Variants in CLIC4 observed in about 807,000 individuals in gnomAD.
CLIC4 encodes chloride intracellular channel protein 4.
CLIC4 carries 13 observed loss-of-function variants against 24.6 expected under a neutral mutation model. That is an observed-to-expected ratio of 0.53 (90% CI 0.34 to 0.84). The LOEUF (loss-of-function observed/expected upper bound fraction) is 0.84. CLIC4 is among the 40% of genes least tolerant of loss of function. CLIC4 has a pLI of 0.01. For synonymous variants in CLIC4, 104 were observed against 111.3 expected (o/e 0.93, Z 0.41); for missense variants, 227 against 301.7 (o/e 0.75, Z 1.83).
At chr1:24,779,056 A>G (rs773343576) in intron 1 of CLIC4, among the ~76,000 whole-genome samples, 2 of 152,258 alleles carry the variant, frequency 1.3e-5, no homozygotes, top group Admixed American at 6.5e-5. Context: ...GGCACTGATT[A>G]GAGACAGTAA....
intron 2 of CLIC4, among the ~76,000 whole-genome samples, chr1:24,809,407 A>C (rs1164823148): frequency 6.6e-6 from 1 of 152,216 alleles, no homozygotes; most frequent in Non-Finnish European, 1.5e-5. Flanking sequence ...AACTGGTTAT[A>C]GATTTTTGAT....
intron 4 of CLIC4, among the ~76,000 whole-genome samples, chr1:24,836,000 A>G (rs904416860): frequency 1.3e-5 from 2 of 152,224 alleles, no homozygotes; most frequent in Admixed American, 6.5e-5. Flanking sequence ...ACACACAAAT[A>G]CATACATGAA....
chr1:24,751,961 G>A (rs1638782615), intron 1 of CLIC4, among the ~76,000 whole-genome samples: 1 of 152,216 alleles, frequency 6.6e-6, no homozygotes, highest in South Asian at 2.1e-4. Context: ...TGTGAACTGG[G>A]ATGATCACTG....
intron 4 of CLIC4, among the ~76,000 whole-genome samples, chr1:24,830,793 A>G (rs1203176178): frequency 1.3e-5 from 2 of 152,214 alleles, no homozygotes; most frequent in Non-Finnish European, 2.9e-5. Flanking sequence ...GGATACCAGC[A>G]TTACTACATC....
At chr1:24,813,220 T>C (rs1639632953) in intron 2 of CLIC4, among the ~76,000 whole-genome samples, 1 of 151,702 alleles carries the variant, frequency 6.6e-6, no homozygotes, top group Non-Finnish European at 1.5e-5. Context: ...ACTTTTGTAT[T>C]TTTAGTAGAG....
rs1639942240 is a variant in CLIC4 at position 24,841,451 on chromosome 1, T to C, written c.*514T>C. The C allele has an allele frequency of 6.6e-6, 1 of 152,250 alleles. No individual in the cohort carries two copies. The highest frequency in any genetic ancestry group is 2.4e-5 in the African/African-American group (1 of 41,462). 9.4% of individuals were successfully genotyped at this position (152,250 alleles called of 1,614,324 possible). On this transcript the variant is annotated 3_prime_UTR_variant, in exon 6 of 6. Transcript: ENST00000374379. ...TATCAGAAATATTGTTTCAATTTAG[T>C]CTATCCTGGATATGTACTAACGAAT... is the stretch of plus-strand genomic sequence containing the variant.
intron 4 of CLIC4, 140 bp downstream of exon 4, chr1:24,827,256 T>A: frequency 1.7e-6 from 1 of 578,952 alleles, no homozygotes; most frequent in Non-Finnish European, 3.1e-6. Flanking sequence ...TCAGAGTTGG[T>A]CAGAAATTGG....
chr1:24,823,103 A>C (rs1418803837), intron 3 of CLIC4, among the ~76,000 whole-genome samples: 25 of 152,206 alleles, frequency 1.6e-4, no homozygotes. Flanking sequence ...CATTTGATGT[A>C]CTGAGAACTG....
At chr1:24,787,780 C>T (rs1362507166) in intron 1 of CLIC4, among the ~76,000 whole-genome samples, 2 of 150,560 alleles carry the variant, frequency 1.3e-5, no homozygotes, top group African/African-American at 4.9e-5. Context: ...CTCCTGACCT[C>T]GTGATCCACC....
chr1:24,842,819 C>G lies in CLIC4; in HGVS notation c.*1882C>G, dbSNP rs1483308272. 6.6e-6 allele frequency: 1 copy of G among 152,034 alleles called. No homozygotes were observed. The highest frequency in any genetic ancestry group is 2.4e-5 in the African/African-American group (1 of 41,372). 9.4% of individuals were successfully genotyped at this position (152,034 alleles called of 1,614,324 possible). ...AGTGGGTGAAAATGTCCCATCTGCA[C>G]CAGTACACAGGCAGGCATTATCATT... On this transcript the variant is annotated 3_prime_UTR_variant, in exon 6 of 6. Coordinates refer to ENST00000374379, the MANE Select transcript of CLIC4 (RefSeq NM_013943.3).
At chr1:24,767,731 C>G (rs1639019058) in intron 1 of CLIC4, among the ~76,000 whole-genome samples, 1 of 151,770 alleles carries the variant, frequency 6.6e-6, no homozygotes, top group South Asian at 2.1e-4. Context: ...TTTTTCCTCT[C>G]TCTCTTTTTT....
intron 2 of CLIC4, among the ~76,000 whole-genome samples, chr1:24,810,388 A>G (rs1639600358): frequency 6.6e-6 from 1 of 152,192 alleles, no homozygotes; most frequent in Non-Finnish European, 1.5e-5. Context: ...CAAATCCAGA[A>G]TTTAGCAGTT....
At chr1:24,797,091 C>T (rs1353831161) in intron 1 of CLIC4, among the ~76,000 whole-genome samples, 6 of 151,258 alleles carry the variant, frequency 4.0e-5, no homozygotes, top group Non-Finnish European at 8.9e-5. Context: ...GTAGCTGGGA[C>T]TACAGGCACC....
intron 1 of CLIC4, among the ~76,000 whole-genome samples, chr1:24,787,781 G>A (rs1470079345): frequency 6.7e-6 from 1 of 150,080 alleles, no homozygotes; most frequent in Non-Finnish European, 1.5e-5. Context: ...TCCTGACCTC[G>A]TGATCCACCT....
chr1:24,839,837 C>A, intron 4 of CLIC4, 23 bp from the exon 5 acceptor site: 2 of 1,599,152 alleles, frequency 1.3e-6, no homozygotes, highest in Non-Finnish European at 1.7e-6. Context: ...ACAGTATTCT[C>A]ATCTCTTTTT....
At chr1:24,808,851 T>A (rs1030917391) in intron 2 of CLIC4, among the ~76,000 whole-genome samples, 2 of 152,094 alleles carry the variant, frequency 1.3e-5, no homozygotes, top group African/African-American at 2.4e-5. Context: ...TAATTTTTTT[T>A]ATTTTTAGTA....
At chr1:24,766,421 T>C (rs2124095892) in intron 1 of CLIC4, among the ~76,000 whole-genome samples, 1 of 147,984 alleles carries the variant, frequency 6.8e-6, no homozygotes, top group African/African-American at 2.5e-5. Flanking sequence ...CATGAGCCAC[T>C]GCACCTTTTT....
At chr1:24,839,395 G>A (rs1437495618) in intron 4 of CLIC4, among the ~76,000 whole-genome samples, 1 of 152,168 alleles carries the variant, frequency 6.6e-6, no homozygotes, top group Non-Finnish European at 1.5e-5. Flanking sequence ...GGCCTCCCGG[G>A]TTCACGCCAT....
At chr1:24,779,914 T>G (rs994552802) in intron 1 of CLIC4, among the ~76,000 whole-genome samples, 3 of 152,246 alleles carry the variant, frequency 2.0e-5, no homozygotes, top group African/African-American at 2.4e-5. Flanking sequence ...GCCTCTGATC[T>G]GTTTTCCATA....
Sources: allele counts gnomAD v4.1 joint callset (sites outside exome capture counted in the v4.1 genomes callset), GRCh38; gene constraint gnomAD v4.1.1; transcripts MANE v1.5; gene names NCBI Gene and HGNC (gene_info 2026-07-23, HGNC 2026-07-21).